SPMIP7: variants seen among roughly 807,000 people sequenced by gnomAD.
SPMIP7 encodes sperm microtubule inner protein 7.
the SPMIP7 span, among the ~76,000 whole-genome samples, chr7:50,152,708 A>ATTTATTT: frequency 6.6e-6 from 1 of 151,208 alleles, no homozygotes; most frequent in Admixed American, 6.6e-5. Flanking sequence ...TTATTTATTT[A>ATTTATTT]AGACAGAGTA....
chr7:50,136,367 C>G, the SPMIP7 span, among the ~76,000 whole-genome samples: 1 of 152,118 alleles, frequency 6.6e-6, no homozygotes, highest in Non-Finnish European at 1.5e-5. Context: ...GCTTCCTTTA[C>G]TTTCTCTTTA....
At chr7:50,156,577 G>T in the SPMIP7 span, among the ~76,000 whole-genome samples, 1 of 151,456 alleles carries the variant, frequency 6.6e-6, no homozygotes, top group African/African-American at 2.4e-5. Context: ...CTTGCCTCCT[G>T]CTTGCTGGGG....
At chr7:50,118,547 C>T in the SPMIP7 span, among the ~76,000 whole-genome samples, 3,109 of 152,262 alleles carry the variant, frequency 0.02, 91 homozygotes, top group African/African-American at 0.07. Flanking sequence ...GCTTTCCCAT[C>T]TGAGAAAGCT....
the SPMIP7 span, chr7:50,136,224 A>G: frequency 8.0e-7 from 1 of 1,252,110 alleles, no homozygotes; most frequent in Admixed American, 2.0e-5. Flanking sequence ...TTTTGTAATT[A>G]AGAAGCTGAT....
the SPMIP7 span, among the ~76,000 whole-genome samples, chr7:50,117,763 C>G: frequency 6.6e-6 from 1 of 152,138 alleles, no homozygotes; most frequent in Non-Finnish European, 1.5e-5. Context: ...GAACTCTCAC[C>G]TAATATAAGT....
At chr7:50,114,079 A>G in the SPMIP7 span, among the ~76,000 whole-genome samples, 1 of 152,160 alleles carries the variant, frequency 6.6e-6, no homozygotes, top group African/African-American at 2.4e-5. Flanking sequence ...AATATTTAAA[A>G]TTAGAGGCAA....
At chr7:50,128,035 T>C in the SPMIP7 span, among the ~76,000 whole-genome samples, 1 of 152,066 alleles carries the variant, frequency 6.6e-6, no homozygotes, top group African/African-American at 2.4e-5. Flanking sequence ...GCAGCCCTAT[T>C]CGCATTAGGC....
the SPMIP7 span, among the ~76,000 whole-genome samples, chr7:50,103,381 C>G: frequency 6.6e-6 from 1 of 152,180 alleles, no homozygotes; most frequent in Non-Finnish European, 1.5e-5. Context: ...AGTCACCTGC[C>G]CAAACCAAAG....
chr7:50,130,483 G>C, the SPMIP7 span, among the ~76,000 whole-genome samples: 1 of 151,994 alleles, frequency 6.6e-6, no homozygotes, highest in African/African-American at 2.4e-5. Context: ...TCTCCACCTG[G>C]CCCCACCCTA....
the SPMIP7 span, among the ~76,000 whole-genome samples, chr7:50,135,643 T>C: frequency 6.6e-6 from 1 of 152,220 alleles, no homozygotes; most frequent in African/African-American, 2.4e-5. Flanking sequence ...GTTGGTCCTT[T>C]CATTACACAT....
chr7:50,151,368 T>A, the SPMIP7 span: 2 of 1,070,530 alleles, frequency 1.9e-6, no homozygotes, highest in South Asian at 1.5e-5. Context: ...ATTTTTCATA[T>A]TTGGGTGCTA....
At chr7:50,145,608 A>G in the SPMIP7 span, among the ~76,000 whole-genome samples, 735 of 30,024 alleles carry the variant, frequency 0.024, 52 homozygotes, top group African/African-American at 0.072. Flanking sequence ...GTGTGTGTGT[A>G]TATGTGTGTG....
the SPMIP7 span, chr7:50,142,440 A>T: frequency 2.0e-5 from 3 of 152,228 alleles, no homozygotes; most frequent in Admixed American, 2.0e-4. Flanking sequence ...TTCTGTTTTT[A>T]AGCAAATGAT....
At chr7:50,157,309 A>G in the SPMIP7 span, among the ~76,000 whole-genome samples, 3 of 152,184 alleles carry the variant, frequency 2.0e-5, no homozygotes, top group African/African-American at 7.2e-5. Flanking sequence ...AAGAGATTTG[A>G]AGTGAGTAGA....
At chr7:50,155,843 C>T in the SPMIP7 span, among the ~76,000 whole-genome samples, 1 of 152,284 alleles carries the variant, frequency 6.6e-6, no homozygotes, top group Admixed American at 6.5e-5. Context: ...TCACTATACA[C>T]ACATACTGCA....
chr7:50,099,355 G>C, the SPMIP7 span, among the ~76,000 whole-genome samples: 4 of 152,182 alleles, frequency 2.6e-5, no homozygotes, highest in African/African-American at 7.2e-5. Context: ...GAGCATTTTC[G>C]TGACGGTTTT....
chr7:50,140,404 G>A, the SPMIP7 span, among the ~76,000 whole-genome samples: 19 of 152,304 alleles, frequency 1.2e-4, no homozygotes, highest in African/African-American at 4.3e-4. Context: ...AAGAAGGAAG[G>A]AAGGAAAGAA....
chr7:50,140,354 G>A, the SPMIP7 span, among the ~76,000 whole-genome samples: 25 of 152,266 alleles, frequency 1.6e-4, no homozygotes, highest in Middle Eastern at 6.8e-3. Flanking sequence ...CCCATCTAAG[G>A]TTTGATTTTG....
the SPMIP7 span, among the ~76,000 whole-genome samples, chr7:50,145,439 C>G: frequency 6.7e-6 from 1 of 149,920 alleles, no homozygotes; most frequent in Non-Finnish European, 1.5e-5. Context: ...GTCATCAGTA[C>G]AAGGAACATA....
Sources: gnomAD v4.1 joint callset for allele counts (sites outside exome capture counted in the v4.1 genomes callset) on GRCh38, gnomAD v4.1.1 for gene constraint, MANE v1.5 for transcripts, NCBI Gene and HGNC (gene_info 2026-07-23, HGNC 2026-07-21) for gene names.